Variants in PPP1R14C observed in about 807,000 individuals in gnomAD.
PPP1R14C encodes the protein protein phosphatase 1 regulatory inhibitor subunit 14C.
PPP1R14C carries 16 observed loss-of-function variants against 20.4 expected under a neutral mutation model. That is an observed-to-expected ratio of 0.78 (90% CI 0.53 to 1.19). The LOEUF (loss-of-function observed/expected upper bound fraction) is 1.19. PPP1R14C is among the 50% of genes most tolerant of loss of function. PPP1R14C has a pLI of 0.00. For synonymous variants in PPP1R14C, 91 were observed against 91.0 expected, an observed-to-expected ratio of 1.00 and a Z score of 0.00; for missense variants, 211 against 220.1, an observed-to-expected ratio of 0.96 and a Z score of 0.26.
chr6:150,180,846 C>CA (rs1184911642), intron 1 of PPP1R14C, among the ~76,000 whole-genome samples: 2 of 152,164 alleles, frequency 1.3e-5, no homozygotes, highest in African/African-American at 4.8e-5. Context: ...CCCTGGACTA[C>CA]ATCAGCAGGT....
intron 1 of PPP1R14C, among the ~76,000 whole-genome samples, chr6:150,146,306 T>C (rs1777179751): frequency 6.6e-6 from 1 of 152,230 alleles, no homozygotes; most frequent in Non-Finnish European, 1.5e-5. Context: ...CTGAGTCCAC[T>C]GTATACCCAT....
chr6:150,224,005 G>C (rs529329762), intron 3 of PPP1R14C, among the ~76,000 whole-genome samples: 2 of 152,282 alleles, frequency 1.3e-5, no homozygotes, highest in East Asian at 3.9e-4. Flanking sequence ...GTCCATGTGC[G>C]ATCCATTTGA....
chr6:150,242,935 ACAT>A (rs1778449361), intron 3 of PPP1R14C, among the ~76,000 whole-genome samples: 1 of 152,228 alleles, frequency 6.6e-6, no homozygotes, highest in South Asian at 2.1e-4. Flanking sequence ...GTTTACAATA[ACAT>A]CAACAATATT....
intron 1 of PPP1R14C, among the ~76,000 whole-genome samples, chr6:150,169,023 C>T (rs923836465): frequency 1.3e-5 from 2 of 152,120 alleles, no homozygotes; most frequent in African/African-American, 2.4e-5. Context: ...ACTATCGGCA[C>T]GCGCCACCAC....
At position 150,200,171 on chromosome 6, in the gene PPP1R14C, G is replaced by GATATATATATATATATATAT. The variant is rs145406314; in HGVS notation, c.307-14560_307-14559insTATATATATATATATATATA. ...TATTAATATTTGAGGGCTTTTATAG[G>GATATATATATATATATATAT]ATATATATATATACACACACACATA... On this transcript the variant is annotated intron_variant, in intron 1 of 3. Transcript: ENST00000361131. Among the ~76,000 whole-genome samples the GATATATATATATATATATAT allele has an allele frequency of 1.1e-4, 17 of 148,032 alleles. No individual in the cohort carries two copies. In the East Asian group the frequency reaches 2.2e-3, roughly 19 times the overall value.
At chr6:150,177,882 G>A (rs914421808) in intron 1 of PPP1R14C, among the ~76,000 whole-genome samples, 4 of 152,252 alleles carry the variant, frequency 2.6e-5, no homozygotes, top group East Asian at 1.9e-4. Context: ...AGGCCCCGTC[G>A]TCAGGCAAGA....
intron 1 of PPP1R14C, among the ~76,000 whole-genome samples, chr6:150,198,948 T>C (rs1432987702): frequency 6.6e-6 from 1 of 151,942 alleles, no homozygotes; most frequent in African/African-American, 2.4e-5. Context: ...ACGATTGTTT[T>C]CTCCAAAAGA....
intron 1 of PPP1R14C, among the ~76,000 whole-genome samples, chr6:150,159,658 T>C (rs1217145747): frequency 6.6e-6 from 1 of 151,234 alleles, no homozygotes; most frequent in African/African-American, 2.4e-5. Context: ...ATGTTTTAGA[T>C]GGTTTTAGAT....
At chr6:150,150,564 G>A (rs1002696242) in intron 1 of PPP1R14C, among the ~76,000 whole-genome samples, 11 of 152,170 alleles carry the variant, frequency 7.2e-5, no homozygotes, top group Non-Finnish European at 1.2e-4. Flanking sequence ...TTTCTAGATG[G>A]AGGGAAGAAT....
intron 1 of PPP1R14C, among the ~76,000 whole-genome samples, chr6:150,149,843 CA>C (rs1265770329): frequency 6.6e-6 from 1 of 152,100 alleles, no homozygotes; most frequent in Admixed American, 6.6e-5. Context: ...ACTTTAGGGT[CA>C]GGGGTGTTGG....
At position 150,249,792 on chromosome 6, in the gene PPP1R14C, G is replaced by A. The variant is rs1778542321; in HGVS notation, c.*972G>A. 2.7e-6 allele frequency: 1 copy of A among 368,092 alleles called. No individual in the cohort carries two copies. The allele number at this position is 368,092 out of a possible 1,614,324, so 22.8% of individuals were successfully genotyped here. A position where few individuals can be genotyped will look rare whatever the true frequency, so the allele number is the denominator to read the frequency against. ...TTAGAAATAGGTTCTGGTAGCTTCT[G>A]TGCCTGGGTAGTATCAGACCAGTGG... On this transcript the variant is annotated 3_prime_UTR_variant, in exon 4 of 4. Coordinates refer to ENST00000361131, the MANE Select transcript of PPP1R14C (RefSeq NM_030949.3).
At chr6:150,240,744 G>A (rs1248149245) in intron 3 of PPP1R14C, among the ~76,000 whole-genome samples, 2 of 152,202 alleles carry the variant, frequency 1.3e-5, no homozygotes, top group African/African-American at 4.8e-5. Flanking sequence ...AGTGTGGAAA[G>A]TTAGGGTTTT....
rs767858778 is a variant in PPP1R14C at position 150,143,886 on chromosome 6, AAG to A, written c.306+393_306+394del. ...GCAGCGGTTGGGGATACAGCAGCCA[AAG>A]AGAGCAGCGCTCACTGCTGGGATCC... On this transcript the variant is annotated intron_variant, in intron 1 of 3. Transcript: ENST00000361131. This position sits in a 1 kb window ranked among gnomAD's most constrained non-coding sequence, Gnocchi z 5.6. Among the ~76,000 whole-genome samples, 10 of 152,328 alleles carry A rather than the reference AAG, an allele frequency of 6.6e-5. 1 individual carries two copies. Among genetic ancestry groups the A allele is most frequent in the East Asian group, 1.9e-4 (1 of 5,176 alleles).
Position 150,152,524 on chromosome 6 carries a change from C to T in PPP1R14C, c.306+9026C>T, listed in dbSNP as rs141287263. On this transcript the variant is annotated intron_variant, in intron 1 of 3. Transcript: ENST00000361131. The stretch of plus-strand genomic sequence containing the variant: ...GGCACCCCCAGCCCTGCTGTTTCAG[C>T]TATCAGCTGAGTCCCTAAGGCAGCT... Among the ~76,000 whole-genome samples the T allele has an allele frequency of 3.2e-3, 481 of 152,304 alleles. 3 individuals carry two copies. The highest frequency in any genetic ancestry group is 0.01 in the African/African-American group (419 of 41,570).
At chr6:150,200,587 C>T in intron 1 of PPP1R14C, among the ~76,000 whole-genome samples, 1 of 152,200 alleles carries the variant, frequency 6.6e-6, no homozygotes, top group East Asian at 1.9e-4. Context: ...TGGCTCTCTT[C>T]CCTTTGGACA....
chr6:150,163,283 C>T (rs947579546), intron 1 of PPP1R14C, among the ~76,000 whole-genome samples: 3 of 152,008 alleles, frequency 2.0e-5, no homozygotes, highest in Non-Finnish European at 4.4e-5. Flanking sequence ...CCCAGCTACT[C>T]GGGAGGCTGA....
intron 1 of PPP1R14C, among the ~76,000 whole-genome samples, chr6:150,204,424 C>T (rs2281435): frequency 0.11 from 17,083 of 152,162 alleles, 1,919 homozygotes; most frequent in African/African-American, 0.29. Context: ...TTGAACAAAT[C>T]GGTAATGTGA....
intron 3 of PPP1R14C, among the ~76,000 whole-genome samples, chr6:150,218,404 G>GA (rs1357691045): frequency 7.2e-4 from 94 of 129,858 alleles, no homozygotes; most frequent in Middle Eastern, 8.3e-3. Flanking sequence ...CTCCGTCTCA[G>GA]AAAAAAAAAG....
At chr6:150,195,861 C>T in intron 1 of PPP1R14C, 1 of 985,318 alleles carries the variant, frequency 1.0e-6, no homozygotes, top group Non-Finnish European at 1.2e-6. Flanking sequence ...CTATGGGAGG[C>T]CAGAGGACAG....
Sources: allele counts gnomAD v4.1 joint callset (sites outside exome capture counted in the v4.1 genomes callset), GRCh38; gene constraint gnomAD v4.1.1; non-coding constraint Gnocchi (gnomAD v3.1); transcripts MANE v1.5; gene names NCBI Gene and HGNC (gene_info 2026-07-23, HGNC 2026-07-21).